The following RMST variants were observed in gnomAD, a reference collection of about 807,000 sequenced individuals.
RMST encodes long intergenic non-protein coding RNA 54.
At chr12:97,558,734 T>C (rs553989868) in intron 11 of RMST, among the ~76,000 whole-genome samples, 22 of 152,276 alleles carry the variant, frequency 1.4e-4, no homozygotes, top group African/African-American at 5.1e-4. Context: ...TGATGCCTAA[T>C]ATACTTCAAT....
At chr12:97,559,135 TG>T (rs1883926380) in intron 11 of RMST, among the ~76,000 whole-genome samples, 4 of 151,724 alleles carry the variant, frequency 2.6e-5, no homozygotes, top group Non-Finnish European at 5.9e-5. Flanking sequence ...ACATTGGGTC[TG>T]GGGTCTTTTG....
intron 10 of RMST, among the ~76,000 whole-genome samples, chr12:97,527,908 A>G (rs1881269451): frequency 6.6e-6 from 1 of 152,168 alleles, no homozygotes; most frequent in African/African-American, 2.4e-5. Context: ...AAAAAAAATA[A>G]AAGGTGTAGC....
intron 10 of RMST, among the ~76,000 whole-genome samples, chr12:97,511,086 A>G (rs1041606070): frequency 3.9e-5 from 6 of 152,004 alleles, no homozygotes; most frequent in African/African-American, 1.2e-4. Context: ...GAGGAGGGAA[A>G]TTACTTCAGG....
At chr12:97,468,504 T>G (rs993595145) in intron 5 of RMST, among the ~76,000 whole-genome samples, 1 of 152,016 alleles carries the variant, frequency 6.6e-6, no homozygotes, top group African/African-American at 2.4e-5. Flanking sequence ...TAGTTGACAT[T>G]ATTTAAGCAC....
At chr12:97,476,250 A>G (rs145038325) in intron 5 of RMST, among the ~76,000 whole-genome samples, 4 of 152,008 alleles carry the variant, frequency 2.6e-5, no homozygotes, top group Non-Finnish European at 4.4e-5. Context: ...GATAAAGAAT[A>G]AAAAAAAGAG....
intron 11 of RMST, among the ~76,000 whole-genome samples, chr12:97,559,546 G>A (rs570337157): frequency 4.6e-5 from 7 of 151,404 alleles, no homozygotes; most frequent in East Asian, 1.9e-4. Context: ...GATCATAAAC[G>A]CCATGGTCTA....
chr12:97,548,901 A>G (rs1309566329), intron 11 of RMST, among the ~76,000 whole-genome samples: 1 of 152,184 alleles, frequency 6.6e-6, no homozygotes, highest in Non-Finnish European at 1.5e-5. Context: ...TAAAATAAAT[A>G]ATGGAGATTG....
At chr12:97,474,985 C>T (rs1874374445) in intron 5 of RMST, among the ~76,000 whole-genome samples, 1 of 152,108 alleles carries the variant, frequency 6.6e-6, no homozygotes, top group African/African-American at 2.4e-5. Flanking sequence ...GTCTTTTCCC[C>T]AATAAAGTAG....
chr12:97,476,066 C>T (rs141357710), intron 5 of RMST, among the ~76,000 whole-genome samples: 70 of 152,122 alleles, frequency 4.6e-4, no homozygotes, highest in Middle Eastern at 3.4e-3. Flanking sequence ...GAGCACAACT[C>T]CTTTTCAGTA....
chr12:97,501,270 A>G (rs1006622340), intron 10 of RMST, among the ~76,000 whole-genome samples: 1 of 152,216 alleles, frequency 6.6e-6, no homozygotes, highest in Admixed American at 6.5e-5. Context: ...GTTAAAAGTC[A>G]TTGCCCCTAC....
At chr12:97,527,954 A>C (rs932526949) in intron 10 of RMST, among the ~76,000 whole-genome samples, 15 of 151,966 alleles carry the variant, frequency 9.9e-5, no homozygotes, top group Non-Finnish European at 1.9e-4. Flanking sequence ...GATGGTTATA[A>C]TAAAAAATAA....
At chr12:97,466,620 A>G (rs953009977) in intron 5 of RMST, among the ~76,000 whole-genome samples, 1 of 152,108 alleles carries the variant, frequency 6.6e-6, no homozygotes, top group Non-Finnish European at 1.5e-5. Context: ...GAATCTGGGG[A>G]AAAGGCCTGT....
At chr12:97,513,798 ATGTGCTATGGTAAATGG>A (rs1172227512) in intron 10 of RMST, among the ~76,000 whole-genome samples, 1 of 152,084 alleles carries the variant, frequency 6.6e-6, no homozygotes, top group African/African-American at 2.4e-5. Context: ...TCTGAAGACC[ATGTGCTATGGTAAATGG>A]TGTGCTATGG....
In RMST at chr12:97,486,522, C is replaced by T. The variant is rs1876132585; in HGVS notation, n.645-5939C>T. On this transcript the variant is annotated intron_variant and non_coding_transcript_variant, in intron 5 of 13. Transcript: ENST00000640149. ...ACATTAGAGCAGGTTTCAACTTTTT[C>T]ATGAGATATTACTGATACTGAATGT... Among the ~76,000 whole-genome samples the T allele has an allele frequency of 2.0e-5, 3 of 152,160 alleles. No homozygotes were observed. In the South Asian group the frequency reaches 6.2e-4, roughly 32 times the overall value.
chr12:97,465,483 C>A (rs999942524), intron 4 of RMST, among the ~76,000 whole-genome samples: 3 of 152,144 alleles, frequency 2.0e-5, no homozygotes, highest in Non-Finnish European at 2.9e-5. Context: ...TCCTTAAAAA[C>A]GGCTAATTGA....
intron 5 of RMST, among the ~76,000 whole-genome samples, chr12:97,490,171 G>A (rs1370312037): frequency 6.6e-6 from 1 of 152,188 alleles, no homozygotes; most frequent in East Asian, 1.9e-4. Context: ...CTGGCGGACG[G>A]ACAGAGTAGT....
rs144743410 is a variant in RMST at position 97,538,369 on chromosome 12, G to T, written n.1545+7510G>T. ...TTACCTTTGTCCTAATGCATGACCT[G>T]CTTTGCTTAAGGTTTTTCTTGAAAG... On this transcript the variant is annotated intron_variant and non_coding_transcript_variant, in intron 11 of 13. Transcript: ENST00000640149. Among the ~76,000 whole-genome samples, 49 of 151,406 alleles carry T rather than the reference G, an allele frequency of 3.2e-4. No individual in the cohort carries two copies. The East Asian group carries it at 9.5e-3, about 29-fold the overall frequency.
chr12:97,547,185 C>A (rs1288697233), intron 11 of RMST, among the ~76,000 whole-genome samples: 1 of 149,550 alleles, frequency 6.7e-6, no homozygotes, highest in Non-Finnish European at 1.5e-5. Context: ...GGACTTTATT[C>A]TTTTTTAATC....
chr12:97,500,227 G>T (rs753355188), intron 10 of RMST, among the ~76,000 whole-genome samples: 1 of 152,178 alleles, frequency 6.6e-6, no homozygotes, highest in Non-Finnish European at 1.5e-5. Context: ...CTGGTAAACA[G>T]AAGCAGCCTG....
Sources: gnomAD v4.1 joint callset for allele counts (sites outside exome capture counted in the v4.1 genomes callset) on GRCh38, gnomAD v4.1.1 for gene constraint, MANE v1.5 for transcripts, NCBI Gene and HGNC (gene_info 2026-07-23, HGNC 2026-07-21) for gene names.